XPNPEP3: variants seen among roughly 807,000 people sequenced by gnomAD.
The protein encoded by XPNPEP3 is xaa-Pro aminopeptidase 3.
Under a neutral mutation model 60.0 loss-of-function variants are expected in XPNPEP3, and 41 were observed. That is an observed-to-expected ratio of 0.68 (90% CI 0.53 to 0.89). The LOEUF is 0.89. XPNPEP3 is among the 40% of genes least tolerant of loss of function. The pLI, the probability that XPNPEP3 is intolerant of heterozygous loss-of-function variation, is 0.00. For synonymous variants in XPNPEP3, 212 were observed against 223.2 expected (o/e 0.95, Z 0.45); for missense variants, 598 against 638.9 (o/e 0.94, Z 0.69).
chr22:40,894,903 G>C (rs951046219), intron 4 of XPNPEP3, among the ~76,000 whole-genome samples: 1 of 152,142 alleles, frequency 6.6e-6, no homozygotes, highest in Non-Finnish European at 1.5e-5. Context: ...TAGACCAATT[G>C]CAAGTCCATT....
intron 2 of XPNPEP3, chr22:40,870,159 A>C (rs1316080027): frequency 2.2e-6 from 1 of 451,784 alleles, no homozygotes; most frequent in Admixed American, 2.5e-5. Flanking sequence ...ATAGCAACCC[A>C]GTTGGTATTA....
intron 2 of XPNPEP3, among the ~76,000 whole-genome samples, chr22:40,876,621 C>G (rs1481995620): frequency 1.3e-5 from 2 of 151,880 alleles, no homozygotes; most frequent in South Asian, 2.1e-4. Flanking sequence ...CTTTCAACCA[C>G]AAAACAGTGC....
intron 4 of XPNPEP3, among the ~76,000 whole-genome samples, chr22:40,899,612 G>A (rs985963058): frequency 1.3e-5 from 2 of 151,952 alleles, no homozygotes; most frequent in African/African-American, 4.8e-5. Context: ...ACGAGGTCAA[G>A]AGATAAGACC....
intron 3 of XPNPEP3, among the ~76,000 whole-genome samples, chr22:40,885,998 A>G (rs2058067195): frequency 6.6e-6 from 1 of 152,168 alleles, no homozygotes; most frequent in Non-Finnish European, 1.5e-5. Context: ...AAAGAGAGAG[A>G]GAAAGAGAGA....
At chr22:40,916,594 C>T (rs1171661906) in intron 7 of XPNPEP3, among the ~76,000 whole-genome samples, 2 of 152,144 alleles carry the variant, frequency 1.3e-5, no homozygotes, top group East Asian at 3.8e-4. Flanking sequence ...AACATTCAGT[C>T]TGTAACTGCC....
intron 1 of XPNPEP3, chr22:40,862,672 T>C: frequency 1.0e-6 from 1 of 985,404 alleles, no homozygotes. Flanking sequence ...ACTTTCTGCA[T>C]GCCAGTGGTA....
chr22:40,892,879 A>G (rs374474339), intron 4 of XPNPEP3, among the ~76,000 whole-genome samples: 146 of 151,306 alleles, frequency 9.6e-4, no homozygotes, highest in African/African-American at 3.5e-3. Context: ...TTTTCTCTCC[A>G]CCTCCTTATG....
chr22:40,861,985 A>G (rs1457629129), intron 1 of XPNPEP3: 1 of 1,592,506 alleles, frequency 6.3e-7, no homozygotes, highest in Non-Finnish European at 8.5e-7. Context: ...ACTTCATAGT[A>G]ATCCACCATG....
Position 40,894,624 on chromosome 22 carries a change from A to G in XPNPEP3, c.792+8109A>G, listed in dbSNP as rs116069908. Among the ~76,000 whole-genome samples, 1,299 of 152,274 alleles carry G rather than the reference A, an allele frequency of 8.5e-3. 19 individuals carry two copies. Among genetic ancestry groups the G allele is most frequent in the African/African-American group, 0.03 (1,251 of 41,544 alleles). On this transcript the variant is annotated intron_variant, in intron 4 of 9. Transcript: ENST00000357137. ...ATTTTTATTAATAGTTTAAGCTTCA[A>G]TGGAGCCCACTGGTATATGTCATTG...
intron 9 of XPNPEP3, among the ~76,000 whole-genome samples, chr22:40,925,918 C>T (rs1402018377): frequency 6.6e-6 from 1 of 152,096 alleles, no homozygotes; most frequent in Non-Finnish European, 1.5e-5. Flanking sequence ...ATCTGCTTGT[C>T]CCCCACATAT....
chr22:40,909,049 G>A (rs2058166775), intron 5 of XPNPEP3, 73 bp from the exon 6 acceptor site: 2 of 1,168,452 alleles, frequency 1.7e-6, no homozygotes, highest in Non-Finnish European at 2.6e-6. Context: ...GGAGGTATGG[G>A]CTGTTGAAGA....
At chr22:40,870,095 C>G (rs972115777) in intron 2 of XPNPEP3, 1 of 470,734 alleles carries the variant, frequency 2.1e-6, no homozygotes, top group Admixed American at 2.4e-5. Context: ...AAATGCAGCT[C>G]ACCACTGAAA....
At chr22:40,858,307 A>T (rs1019482371) in intron 1 of XPNPEP3, among the ~76,000 whole-genome samples, 1 of 139,380 alleles carries the variant, frequency 7.2e-6, no homozygotes, top group African/African-American at 3.4e-5. Context: ...AGGTTTTGCC[A>T]CGTTGGCCAA....
chr22:40,914,563 G>A (rs1317033839), intron 7 of XPNPEP3, among the ~76,000 whole-genome samples: 3 of 14,654 alleles, frequency 2.0e-4, no homozygotes, highest in Non-Finnish European at 2.6e-4. Context: ...TTTTTTTTTT[G>A]GTAAGAGACG....
At chr22:40,900,402 C>G (rs1428577885) in intron 4 of XPNPEP3, among the ~76,000 whole-genome samples, 1 of 151,124 alleles carries the variant, frequency 6.6e-6, no homozygotes, top group Admixed American at 6.6e-5. Flanking sequence ...GTCAGGAGTT[C>G]AAGACCAGCC....
Position 40,863,619 on chromosome 22 carries a change from A to G in XPNPEP3, c.65-5380A>G, listed in dbSNP as rs115169219. On this transcript the variant is annotated intron_variant, in intron 1 of 9. Transcript: ENST00000357137. Reference sequence around the variant, plus strand: ...TAAATTCTCTCCAGTGTATGTGCTTACATGTACTTATGTGTGGCTTACCCA... The same window carrying G: ...TAAATTCTCTCCAGTGTATGTGCTTGCATGTACTTATGTGTGGCTTACCCA... Among the ~76,000 whole-genome samples the G allele has an allele frequency of 4.3e-3, 657 of 152,322 alleles. 3 individuals carry two copies. Among genetic ancestry groups the G allele is most frequent in the African/African-American group, 0.015 (616 of 41,554 alleles).
At chr22:40,868,157 G>T (rs2057987885) in intron 1 of XPNPEP3, among the ~76,000 whole-genome samples, 1 of 152,086 alleles carries the variant, frequency 6.6e-6, no homozygotes, top group East Asian at 1.9e-4. Context: ...ACTAACATTT[G>T]TTGTACTCTA....
chr22:40,862,205 G>T, intron 1 of XPNPEP3: 1 of 1,350,188 alleles, frequency 7.4e-7, no homozygotes. Context: ...CTGCATTATG[G>T]TGTCATTCTG....
chr22:40,914,144 GA>G (rs35631136), intron 6 of XPNPEP3, 94 bp from the exon 7 acceptor site: 92,482 of 780,724 alleles, frequency 0.12, no homozygotes, highest in East Asian at 0.18. Context: ...CTCCGTCTCA[GA>G]AAAAAAAAAA....
Sources: allele counts gnomAD v4.1 joint callset (sites outside exome capture counted in the v4.1 genomes callset), GRCh38; gene constraint gnomAD v4.1.1; transcripts MANE v1.5; gene names NCBI Gene and HGNC (gene_info 2026-07-23, HGNC 2026-07-21).